Variants in TECPR2 observed in about 807,000 individuals in gnomAD.
TECPR2 encodes the protein tectonin beta-propeller repeat containing 2.
In TECPR2, 65 loss-of-function variants were observed where a neutral mutation model predicts 138.1. The ratio of observed to expected loss-of-function variants is 0.47; its 90% confidence interval spans 0.39 to 0.58. The LOEUF (loss-of-function observed/expected upper bound fraction) is 0.58. Ranked by LOEUF, TECPR2 falls within the 20% of genes least tolerant of loss-of-function variation. TECPR2 has a pLI of 0.00. For synonymous variants in TECPR2, 746 were observed against 749.8 expected (o/e 0.99, Z 0.08); for missense variants, 1,553 against 1,824.5 (o/e 0.85, Z 2.71).
At chr14:102,480,621 A>T (rs1262484259) in intron 17 of TECPR2, among the ~76,000 whole-genome samples, 4 of 151,506 alleles carry the variant, frequency 2.6e-5, no homozygotes, top group Admixed American at 2.6e-4. Flanking sequence ...CTGGGCTCAA[A>T]CAATACTCCT....
chr14:102,428,222 G>GTTTTTTTTTTTTTTTTTTTTTTTTTTTTT (rs565236204), intron 6 of TECPR2, 28 bp from the exon 7 acceptor site: 5 of 1,058,650 alleles, frequency 4.7e-6, no homozygotes, highest in South Asian at 1.9e-5. Flanking sequence ...TGTGTTTTTT[G>GTTTTTTTTTTTTTTTTTTTTTTTTTTTTT]TTTTTTTTTT....
chr14:102,492,639 C>G (rs765667854), intron 17 of TECPR2, among the ~76,000 whole-genome samples: 1 of 152,218 alleles, frequency 6.6e-6, no homozygotes, highest in Admixed American at 6.5e-5. Context: ...GCTGGGCAGA[C>G]GTGGCCTCCT....
At chr14:102,431,410 T>C in intron 7 of TECPR2, among the ~76,000 whole-genome samples, 1 of 146,196 alleles carries the variant, frequency 6.8e-6, no homozygotes, top group South Asian at 2.3e-4. Context: ...TGGCGCAATC[T>C]CGGCTCACTG....
intron 5 of TECPR2, among the ~76,000 whole-genome samples, chr14:102,423,953 A>T (rs1319825387): frequency 1.3e-5 from 2 of 152,220 alleles, no homozygotes; most frequent in Admixed American, 6.5e-5. Context: ...AAGGATGAGC[A>T]GACCTGGATT....
intron 9 of TECPR2, among the ~76,000 whole-genome samples, chr14:102,435,629 C>T (rs957391101): frequency 2.0e-5 from 3 of 152,136 alleles, no homozygotes; most frequent in African/African-American, 4.8e-5. Context: ...GTCTCCTGTC[C>T]TTCTCCTCAC....
chr14:102,418,171 G>A lies in TECPR2; in HGVS notation c.638+3378G>A, dbSNP rs973707228. 5.3e-5 allele frequency among the ~76,000 whole-genome samples: 8 copies of A among 152,278 alleles called. No individual in the cohort carries two copies. In the Middle Eastern group the frequency reaches 0.01, roughly 194 times the overall value. On this transcript the variant is annotated intron_variant, in intron 5 of 19. Coordinates refer to ENST00000359520, the MANE Select transcript of TECPR2 (RefSeq NM_014844.5). ...AGTCTTGACCAGAGGGGAAAATGAG[G>A]TCACCAGATACAGGTGACACTGACA...
intron 16 of TECPR2, among the ~76,000 whole-genome samples, chr14:102,457,456 C>T (rs750419284): frequency 4.6e-5 from 7 of 152,054 alleles, no homozygotes; most frequent in South Asian, 2.1e-4. Flanking sequence ...CCCAGGAGCC[C>T]GTGTATGACT....
chr14:102,475,370 A>T (rs560868194), intron 17 of TECPR2, among the ~76,000 whole-genome samples: 1 of 152,196 alleles, frequency 6.6e-6, no homozygotes, highest in Non-Finnish European at 1.5e-5. Flanking sequence ...AGGCATTGGC[A>T]TCATTCTTGA....
Position 102,379,570 on chromosome 14 carries a change from A to G in TECPR2, c.219+2630A>G, listed in dbSNP as rs576026946. 2.4e-3 allele frequency among the ~76,000 whole-genome samples: 368 copies of G among 151,192 alleles called. 1 individual carries two copies. The highest frequency in any genetic ancestry group is 8.5e-3 in the African/African-American group (350 of 41,114). ...GATCACAATCTTAAAATCCATGCAC[A>G]GAGGCACCCTAGTCACACTGCTGAA... On this transcript the variant is annotated intron_variant, in intron 2 of 19. Transcript: ENST00000359520.
Position 102,440,616 on chromosome 14 carries a change from G to C in TECPR2, c.2752+7G>C. ...GACCTATACTTGCAGACAGGTAACC[G>C]CGGGCCACGCTTAGAGGCCTGCCAG... On this transcript the variant is annotated splice_region_variant and intron_variant, in intron 11 of 19. Coordinates refer to ENST00000359520, the MANE Select transcript of TECPR2 (RefSeq NM_014844.5). 2.5e-6 allele frequency: 4 copies of C among 1,611,594 alleles called. No individual in the cohort carries two copies. The highest frequency in any genetic ancestry group is 3.4e-6 in the Non-Finnish European group (4 of 1,178,552).
intron 5 of TECPR2, among the ~76,000 whole-genome samples, chr14:102,424,220 GCACAA>G (rs1456867455): frequency 2.6e-5 from 4 of 152,178 alleles, no homozygotes; most frequent in Non-Finnish European, 4.4e-5. Flanking sequence ...GGCAGCTGTA[GCACAA>G]CGGTAAGTAA....
chr14:102,437,094 C>T (rs540602992), intron 9 of TECPR2: 1 of 985,458 alleles, frequency 1.0e-6, no homozygotes, highest in Non-Finnish European at 1.2e-6. Flanking sequence ...GGAAGTAAGA[C>T]TTGCCATGGT....
chr14:102,456,243 C>T (rs1890274567), intron 16 of TECPR2, among the ~76,000 whole-genome samples: 1 of 152,154 alleles, frequency 6.6e-6, no homozygotes. Context: ...GCTTGTGTTG[C>T]CCCAGTTTGT....
Position 102,499,495 on chromosome 14 carries a change from A to G in TECPR2, c.*1238A>G. The G allele has an allele frequency of 2.1e-6, 1 of 483,684 alleles. No homozygotes were observed. The highest frequency in any genetic ancestry group is 3.7e-6 in the Non-Finnish European group (1 of 267,730). 30.0% of individuals were successfully genotyped at this position (483,684 alleles called of 1,614,324 possible). Reference sequence around the variant, plus strand: ...CAGAGGGGCAGGCATCCCCGCACAGACTTGACTGGCAGGGCGGTCACGGGA... The same window carrying G: ...CAGAGGGGCAGGCATCCCCGCACAGGCTTGACTGGCAGGGCGGTCACGGGA... On this transcript the variant is annotated 3_prime_UTR_variant, in exon 20 of 20. Transcript: ENST00000359520.
chr14:102,478,861 C>G (rs1890823621), intron 17 of TECPR2, among the ~76,000 whole-genome samples: 1 of 151,358 alleles, frequency 6.6e-6, no homozygotes, highest in Non-Finnish European at 1.5e-5. Context: ...ACCAAAAATA[C>G]AAAAAATTAG....
At chr14:102,459,800 A>G (rs189071436) in intron 16 of TECPR2, among the ~76,000 whole-genome samples, 63 of 152,282 alleles carry the variant, frequency 4.1e-4, no homozygotes, top group African/African-American at 1.1e-3. Flanking sequence ...ATACATTTAC[A>G]TGTGTTCTCC....
chr14:102,408,899 G>A (rs1022972402), intron 4 of TECPR2, among the ~76,000 whole-genome samples: 2 of 152,158 alleles, frequency 1.3e-5, no homozygotes, highest in Non-Finnish European at 1.5e-5. Context: ...TCCTTGAAAG[G>A]TTAGTAGGAG....
chr14:102,382,738 T>C (rs1887872620), intron 2 of TECPR2, among the ~76,000 whole-genome samples: 1 of 152,180 alleles, frequency 6.6e-6, no homozygotes, highest in South Asian at 2.1e-4. Context: ...TTCTTTAAAA[T>C]ATAATTTACA....
chr14:102,425,257 A>G lies in TECPR2; in HGVS notation c.917A>G (p.Glu306Gly). 1 of 1,609,688 alleles carries G rather than the reference A, an allele frequency of 6.2e-7. No individual in the cohort carries two copies. The highest frequency in any genetic ancestry group is 8.5e-7 in the Non-Finnish European group (1 of 1,177,308). The stretch of plus-strand genomic sequence containing the variant: ...GAAGGCTGGGTGCTGAGTTGGAATG[A>G]ATATAGTATCTATCTCCTAGACACA... The part of the protein sequence containing the change: ...FQEGWVLSWN[E>G]YSIYLLDTVN... Residue 306 changes from glutamate to glycine, a missense_variant, in exon 6 of 20, where the codon GAA (glutamate) becomes GGA (glycine). Transcript: ENST00000359520.
Sources: allele counts gnomAD v4.1 joint callset (sites outside exome capture counted in the v4.1 genomes callset), GRCh38; gene constraint gnomAD v4.1.1; transcripts MANE v1.5; gene names NCBI Gene and HGNC (gene_info 2026-07-23, HGNC 2026-07-21).